Variants in TEC observed in about 807,000 individuals in gnomAD.
TEC encodes the protein tyrosine-protein kinase Tec.
TEC carries 72 observed loss-of-function variants against 93.0 expected under a neutral mutation model. That is an observed-to-expected ratio of 0.77 (90% CI 0.64 to 0.94). The LOEUF is 0.94. Ranked by LOEUF, TEC falls within the 40% of genes least tolerant of loss-of-function variation. The pLI is 0.00. For missense variants in TEC, 630 were observed against 757.9 expected (o/e 0.83, Z 1.98); for synonymous variants, 249 against 247.7 (o/e 1.01, Z -0.05).
At chr4:48,210,352 G>A (rs750343304) in intron 2 of TEC, among the ~76,000 whole-genome samples, 2 of 152,010 alleles carry the variant, frequency 1.3e-5, no homozygotes, top group Non-Finnish European at 2.9e-5. Context: ...CAGGAATAGT[G>A]GCACGTGCCT....
At chr4:48,187,744 G>A (rs1721942003) in intron 2 of TEC, among the ~76,000 whole-genome samples, 1 of 152,150 alleles carries the variant, frequency 6.6e-6, no homozygotes, top group African/African-American at 2.4e-5. Context: ...GTCTAAAAGT[G>A]ATTTAAATGG....
chr4:48,224,356 A>G (rs1312463002), intron 2 of TEC, among the ~76,000 whole-genome samples: 1 of 152,202 alleles, frequency 6.6e-6, no homozygotes, highest in African/African-American at 2.4e-5. Context: ...ATAGAAATCA[A>G]TTCCTCATTT....
At chr4:48,206,777 C>CAA (rs34761710) in intron 2 of TEC, among the ~76,000 whole-genome samples, 85 of 89,076 alleles carry the variant, frequency 9.5e-4, no homozygotes, top group East Asian at 1.5e-3. Flanking sequence ...CTCGTTGCTA[C>CAA]AAAAAAAAAA....
chr4:48,170,202 G>T, intron 5 of TEC, 46 bp downstream of exon 5: 1 of 1,457,582 alleles, frequency 6.9e-7, no homozygotes, highest in Non-Finnish European at 9.5e-7. Flanking sequence ...CCAATAATAC[G>T]TTCATTCTAA....
At position 48,213,744 on chromosome 4, in the gene TEC, G is replaced by A. The variant is rs1473338144; in HGVS notation, c.138+14733C>T. Among the ~76,000 whole-genome samples, 12 of 152,176 alleles carry A rather than the reference G, an allele frequency of 7.9e-5. No individual in the cohort carries two copies. The East Asian group carries it at 2.1e-3, about 27-fold the overall frequency. ...ATAATAATGTCCACATCTAGTTTGG[G>A]GGAGAGATTAATACTAATAAATACT... On this transcript the variant is annotated intron_variant, in intron 2 of 17. Transcript: ENST00000381501.
chr4:48,168,412 C>T (rs956387571), intron 6 of TEC, among the ~76,000 whole-genome samples, 174 bp downstream of exon 6: 20 of 152,138 alleles, frequency 1.3e-4, no homozygotes, highest in African/African-American at 4.8e-4. Context: ...TTATTTGACA[C>T]CACAAAAAAT....
At chr4:48,264,114 T>C (rs1295297652) in intron 1 of TEC, among the ~76,000 whole-genome samples, 1 of 152,024 alleles carries the variant, frequency 6.6e-6, no homozygotes, top group Admixed American at 6.5e-5. Context: ...AGAGAATGAG[T>C]GAAGAGACAA....
intron 2 of TEC, among the ~76,000 whole-genome samples, chr4:48,189,455 GCCTACTTATTC>G (rs577804138): frequency 2.1e-4 from 32 of 152,248 alleles, no homozygotes; most frequent in South Asian, 6.2e-4. Flanking sequence ...AATCCAAAAT[GCCTACTTATTC>G]CCACCCCCGA....
At chr4:48,178,417 G>A (rs896741421) in intron 2 of TEC, among the ~76,000 whole-genome samples, 47 of 152,020 alleles carry the variant, frequency 3.1e-4, no homozygotes, top group African/African-American at 1.1e-3. Flanking sequence ...CACAATGGTT[G>A]AGACACTATC....
intron 2 of TEC, among the ~76,000 whole-genome samples, chr4:48,210,506 GGAGGAGGAGGATGAT>G (rs879877584): frequency 0.025 from 3,770 of 151,208 alleles, 73 homozygotes; most frequent in Non-Finnish European, 0.039. Flanking sequence ...TGGAGGAGGA[GGAGGAGGAGGATGAT>G]GAGGAGGAGG....
intron 11 of TEC, among the ~76,000 whole-genome samples, chr4:48,147,992 C>T (rs1719989411): frequency 6.6e-6 from 1 of 152,118 alleles, no homozygotes; most frequent in South Asian, 2.1e-4. Context: ...CGGAAGACCA[C>T]ATATTGTATA....
intron 1 of TEC, among the ~76,000 whole-genome samples, chr4:48,257,835 T>C (rs1724386726): frequency 6.6e-6 from 1 of 152,240 alleles, no homozygotes; most frequent in Non-Finnish European, 1.5e-5. Flanking sequence ...TGGATGGAAG[T>C]ATTTTCCTCA....
chr4:48,186,628 C>A (rs1413826130), intron 2 of TEC, among the ~76,000 whole-genome samples: 5 of 151,802 alleles, frequency 3.3e-5, no homozygotes, highest in Non-Finnish European at 7.4e-5. Context: ...GCAGCCGCCC[C>A]GTCTGGGAAG....
chr4:48,216,620 A>C (rs73138472), intron 2 of TEC, among the ~76,000 whole-genome samples: 1,728 of 152,280 alleles, frequency 0.011, 37 homozygotes, highest in African/African-American at 0.04. Context: ...TTCAACTACA[A>C]TGCCATTTTC....
intron 1 of TEC, among the ~76,000 whole-genome samples, chr4:48,255,288 C>T (rs755028640): frequency 6.6e-6 from 1 of 152,184 alleles, no homozygotes; most frequent in Admixed American, 6.5e-5. Flanking sequence ...GGTTACATCG[C>T]TCCAGGTTAA....
intron 17 of TEC, among the ~76,000 whole-genome samples, chr4:48,138,324 G>A (rs1051846155): frequency 6.6e-6 from 1 of 152,070 alleles, no homozygotes; most frequent in Admixed American, 6.6e-5. Context: ...ACCAACTCTG[G>A]TAAAAAAATA....
At chr4:48,208,376 G>A (rs1164253830) in intron 2 of TEC, among the ~76,000 whole-genome samples, 5 of 152,094 alleles carry the variant, frequency 3.3e-5, no homozygotes, top group Non-Finnish European at 7.4e-5. Context: ...GCCCTGGCGT[G>A]GCAACATACA....
intron 5 of TEC, among the ~76,000 whole-genome samples, chr4:48,169,189 T>C (rs1250209828): frequency 1.3e-5 from 2 of 152,198 alleles, no homozygotes; most frequent in African/African-American, 4.8e-5. Context: ...AGAGAGAGAC[T>C]GCTAGAGCTG....
chr4:48,243,788 C>T (rs1394360125), intron 1 of TEC, among the ~76,000 whole-genome samples: 4 of 151,506 alleles, frequency 2.6e-5, no homozygotes, highest in African/African-American at 7.3e-5. Context: ...GGACACAGGG[C>T]GGGGAACAAC....
Sources: allele counts gnomAD v4.1 joint callset (sites outside exome capture counted in the v4.1 genomes callset), GRCh38; gene constraint gnomAD v4.1.1; transcripts MANE v1.5; gene names NCBI Gene and HGNC (gene_info 2026-07-23, HGNC 2026-07-21).